Variants in TOM1 observed in about 807,000 individuals in gnomAD.
TOM1 encodes target of myb1 membrane trafficking protein, also known as target of Myb protein 1.
Under a neutral mutation model 61.3 loss-of-function variants are expected in TOM1, and 38 were observed. The observed-to-expected ratio is 0.62, with a 90% CI of 0.48 to 0.81. The LOEUF (loss-of-function observed/expected upper bound fraction) is 0.81, where lower values mean the gene tolerates loss of function less well. Ranked by LOEUF, TOM1 falls within the 40% of genes least tolerant of loss-of-function variation. TOM1 has a pLI of 0.00. For missense variants in TOM1, 591 were observed against 659.6 expected (o/e 0.90, Z 1.14); for synonymous variants, 270 against 268.8 (o/e 1.00, Z -0.04).
intron 1 of TOM1, among the ~76,000 whole-genome samples, chr22:35,315,202 A>C (rs953641522): frequency 1.3e-5 from 2 of 152,044 alleles, no homozygotes; most frequent in African/African-American, 4.8e-5. Flanking sequence ...GGGCAGGGGC[A>C]GTGGCAGAGG....
chr22:35,327,857 G>C (rs1387585269), intron 7 of TOM1, among the ~76,000 whole-genome samples: 3 of 152,194 alleles, frequency 2.0e-5, no homozygotes, highest in African/African-American at 4.8e-5. Flanking sequence ...AGCCAAGGCA[G>C]GTGGAGCTAG....
At chr22:35,343,193 T>C (rs1215694615) in intron 12 of TOM1, among the ~76,000 whole-genome samples, 2 of 65,178 alleles carry the variant, frequency 3.1e-5, no homozygotes, top group Non-Finnish European at 5.8e-5. Context: ...ACACCTCCAC[T>C]CATACGCCTA....
At chr22:35,333,856 G>A (rs1039249564) in intron 10 of TOM1, among the ~76,000 whole-genome samples, 1 of 152,126 alleles carries the variant, frequency 6.6e-6, no homozygotes, top group East Asian at 1.9e-4. Flanking sequence ...TATGAGAAGC[G>A]CTTAGACCAT....
At chr22:35,312,210 CT>C (rs772993868) in intron 1 of TOM1, among the ~76,000 whole-genome samples, 26 of 150,770 alleles carry the variant, frequency 1.7e-4, no homozygotes, top group Non-Finnish European at 2.5e-4. Context: ...CACCACTGTA[CT>C]CCAGCCTGGG....
chr22:35,341,134 G>A (rs1388030139), intron 12 of TOM1, among the ~76,000 whole-genome samples: 4 of 152,204 alleles, frequency 2.6e-5, no homozygotes, highest in Admixed American at 2.6e-4. Context: ...CCTGCACTAA[G>A]CACTTTGCAT....
chr22:35,332,996 A>G lies in TOM1; in HGVS notation c.915A>G (p.Arg305=). 1 of 1,614,224 alleles carries G rather than the reference A, an allele frequency of 6.2e-7. No homozygotes were observed. The highest frequency in any genetic ancestry group is 8.5e-7 in the Non-Finnish European group (1 of 1,180,050). ...TGTCTTGTAGGTTTGAACGGTTCCG[A>G]ACAGGCCAGACCACCAAGGTAAAAG... ...FLRHERFERF[R]TGQTTKAPSE... The change falls in exon 9 of 15, where the codon CGA becomes CGG. Residue 305 remains arginine, a synonymous_variant. Coordinates refer to ENST00000449058, the MANE Select transcript of TOM1 (RefSeq NM_005488.3).
chr22:35,302,498 G>T (rs138738), intron 1 of TOM1, among the ~76,000 whole-genome samples: 1 of 151,512 alleles, frequency 6.6e-6, no homozygotes, highest in East Asian at 1.9e-4. Context: ...CGCCACACCC[G>T]ACTAATTTTG....
chr22:35,304,506 TCTCA>T (rs1280551872), intron 1 of TOM1, among the ~76,000 whole-genome samples: 3 of 152,192 alleles, frequency 2.0e-5, no homozygotes, highest in Admixed American at 1.3e-4. Context: ...TGAGACAGAG[TCTCA>T]CTCTGTCGCC....
intron 10 of TOM1, 83 bp from the exon 11 acceptor site, chr22:35,334,245 T>C: frequency 1.3e-6 from 2 of 1,536,280 alleles, no homozygotes; most frequent in Non-Finnish European, 1.8e-6. Flanking sequence ...CACCAAGCCC[T>C]GGGTCTGGCA....
chr22:35,325,842 A>C (rs370245441), intron 6 of TOM1, among the ~76,000 whole-genome samples: 66 of 152,286 alleles, frequency 4.3e-4, no homozygotes, highest in African/African-American at 1.6e-3. Context: ...GTCTCTTGGG[A>C]CATGTTAAGA....
At chr22:35,345,987 G>A (rs531200954) in intron 13 of TOM1, among the ~76,000 whole-genome samples, 17 of 152,302 alleles carry the variant, frequency 1.1e-4, no homozygotes, top group Admixed American at 3.9e-4. Flanking sequence ...GTAGCCTCTC[G>A]GCTGCTTCCC....
chr22:35,323,798 C>A lies in TOM1; in HGVS notation c.532C>A (p.Gln178Lys), dbSNP rs754140635. ...TVFNSETQSG[Q>K]DSVGTDSSQQ... ...GTTCAACTCAGAGACACAATCAGGACAGGATTCTGTGGGCACTGACTCCAG... is the reference window on the plus strand; with the variant it reads ...GTTCAACTCAGAGACACAATCAGGAAAGGATTCTGTGGGCACTGACTCCAG... The change falls in exon 6 of 15, where the codon CAG becomes AAG. Residue 178 changes from glutamine (Q) to lysine (K), a missense_variant. Transcript: ENST00000449058. This position sits in a 1 kb window ranked among gnomAD's most constrained non-coding sequence, Gnocchi z 4.2. The A allele has an allele frequency of 6.2e-7, 1 of 1,612,668 alleles. No individual in the cohort carries two copies. Among genetic ancestry groups the A allele is most frequent in the Middle Eastern group, 1.7e-4 (1 of 6,052 alleles).
chr22:35,339,761 G>C (rs1260764286), intron 12 of TOM1, among the ~76,000 whole-genome samples: 1 of 151,942 alleles, frequency 6.6e-6, no homozygotes, highest in Non-Finnish European at 1.5e-5. Context: ...AAAATTAGCC[G>C]GGCGTGGTGG....
chr22:35,334,511 C>T (rs375495087), intron 11 of TOM1, 63 bp downstream of exon 11: 53 of 1,598,438 alleles, frequency 3.3e-5, no homozygotes, highest in South Asian at 1.8e-4. Context: ...TTCTGGAACC[C>T]GGTTTTATGG....
chr22:35,300,983 G>A (rs1203021482), intron 1 of TOM1, among the ~76,000 whole-genome samples: 1 of 151,394 alleles, frequency 6.6e-6, no homozygotes, highest in Non-Finnish European at 1.5e-5. Context: ...AGGCCAAGGC[G>A]GGCAGATCGC....
At chr22:35,303,367 T>C (rs1254578788) in intron 1 of TOM1, among the ~76,000 whole-genome samples, 1 of 152,136 alleles carries the variant, frequency 6.6e-6, no homozygotes, top group Non-Finnish European at 1.5e-5. Flanking sequence ...CTTGGTAGAA[T>C]GTTACTAACA....
chr22:35,299,711 C>A (rs1925531880), upstream of TOM1: 3 of 585,900 alleles, frequency 5.1e-6, no homozygotes, highest in East Asian at 9.0e-5. Context: ...TCGTGTGTGA[C>A]GCCCGCCGCC....
Position 35,324,412 on chromosome 22 carries a change from CAAAAAA to C in TOM1, c.648+517_648+522del, listed in dbSNP as rs58401864. Among the ~76,000 whole-genome samples the C allele has an allele frequency of 1.3e-4, 8 of 61,178 alleles. No individual in the cohort carries two copies. The East Asian group carries it at 3.3e-3, about 25-fold the overall frequency. The allele number at this position is 61,178 out of a possible 152,430, so 40.1% of individuals were successfully genotyped here. On this transcript the variant is annotated intron_variant, in intron 6 of 14. Transcript: ENST00000449058. ...CTGGGCAACATAGAGAGACCTGTTT[CAAAAAA>C]AAAAAAAAAAAAAAAAAAGGCTTCA...
chr22:35,338,642 C>T (rs557831705), intron 11 of TOM1, 71 bp from the exon 12 acceptor site: 1 of 1,332,604 alleles, frequency 7.5e-7, no homozygotes, highest in South Asian at 1.5e-5. Context: ...TCTGTGCCCC[C>T]CAGCCCGCTC....
Sources: gnomAD v4.1 joint callset for allele counts (sites outside exome capture counted in the v4.1 genomes callset) on GRCh38, gnomAD v4.1.1 for gene constraint, Gnocchi (gnomAD v3.1) non-coding constraint, MANE v1.5 for transcripts, NCBI Gene and HGNC (gene_info 2026-07-23, HGNC 2026-07-21) for gene names.